The following STXBP6 variants were observed in gnomAD, a reference collection of about 807,000 sequenced individuals.
STXBP6 encodes the protein syntaxin binding protein 6.
In STXBP6, 21 loss-of-function variants were observed where a neutral mutation model predicts 26.9. The ratio of observed to expected loss-of-function variants is 0.78; its 90% confidence interval spans 0.55 to 1.12. The LOEUF is 1.12. Among genes scored for constraint, STXBP6 ranks in the 50% most tolerant of loss-of-function variants. The pLI is 0.00. For synonymous variants in STXBP6, 97 were observed against 92.6 expected, an observed-to-expected ratio of 1.05 and a Z score of -0.27; for missense variants, 232 against 257.9, an observed-to-expected ratio of 0.90 and a Z score of 0.69.
At chr14:24,911,916 T>C (rs2071588453) in intron 2 of STXBP6, among the ~76,000 whole-genome samples, 1 of 152,216 alleles carries the variant, frequency 6.6e-6, no homozygotes, top group African/African-American at 2.4e-5. Flanking sequence ...AGTCTGTGTG[T>C]TCTCCAGTCA....
At chr14:24,974,119 A>C (rs1307665377) in intron 2 of STXBP6, among the ~76,000 whole-genome samples, 3 of 152,176 alleles carry the variant, frequency 2.0e-5, no homozygotes, top group Non-Finnish European at 4.4e-5. Flanking sequence ...AAAAAAAACA[A>C]GATTCAAAGC....
chr14:24,908,143 C>T (rs781311616), intron 2 of STXBP6, among the ~76,000 whole-genome samples: 7 of 152,158 alleles, frequency 4.6e-5, no homozygotes, highest in Non-Finnish European at 7.4e-5. Flanking sequence ...TTAAGTCTTT[C>T]GTCTTTACAA....
chr14:24,843,295 A>G (rs921094837), intron 4 of STXBP6, among the ~76,000 whole-genome samples: 3 of 152,214 alleles, frequency 2.0e-5, no homozygotes, highest in Non-Finnish European at 4.4e-5. Context: ...CAAGAAAAAT[A>G]TAAATACAAA....
At chr14:25,036,820 C>T (rs1327824611) in intron 1 of STXBP6, among the ~76,000 whole-genome samples, 1 of 141,842 alleles carries the variant, frequency 7.1e-6, no homozygotes, top group Admixed American at 7.3e-5. Flanking sequence ...GGCGCCACAG[C>T]ACTCCAGCCT....
intron 2 of STXBP6, among the ~76,000 whole-genome samples, chr14:24,872,180 G>T (rs1290321452): frequency 6.6e-6 from 1 of 152,150 alleles, no homozygotes. Context: ...CAGATTCCTA[G>T]ACACTCTCTA....
chr14:24,962,314 T>C (rs1178417252), intron 2 of STXBP6, among the ~76,000 whole-genome samples: 1 of 148,930 alleles, frequency 6.7e-6, no homozygotes, highest in Non-Finnish European at 1.5e-5. Context: ...TTTATTTATT[T>C]ATTTATTTAT....
chr14:24,865,267 T>C lies in STXBP6; in HGVS notation c.155-8110A>G, dbSNP rs77652631. Among the ~76,000 whole-genome samples the C allele has an allele frequency of 5.0e-3, 767 of 152,166 alleles. 8 individuals are homozygous for C. Among genetic ancestry groups the C allele is most frequent in the African/African-American group, 0.018 (730 of 41,524 alleles). On this transcript the variant is annotated intron_variant, in intron 2 of 5. Coordinates refer to ENST00000323944, the MANE Select transcript of STXBP6 (RefSeq NM_001394410.1). The stretch of plus-strand genomic sequence containing the variant: ...GCATTGTATATCAAGCAATGAAGCA[T>C]AATGACCCCTGAGAGATGGGAAATG...
intron 2 of STXBP6, among the ~76,000 whole-genome samples, chr14:24,916,228 C>G (rs1026037675): frequency 2.0e-5 from 3 of 152,062 alleles, no homozygotes; most frequent in African/African-American, 7.2e-5. Context: ...GAGAATGTAA[C>G]TGGGCTTAAA....
chr14:24,858,179 G>T lies in STXBP6; in HGVS notation c.155-1022C>A, dbSNP rs535034088. On this transcript the variant is annotated intron_variant, in intron 2 of 5. Transcript: ENST00000323944. ...TAACTATGTAGATGCTCAACAGATG[G>T]CAAAAAGAATTCTGAAGGGATGAAG... Among the ~76,000 whole-genome samples, 16 of 152,072 alleles carry T rather than the reference G, an allele frequency of 1.1e-4. 1 individual carries two copies. The highest frequency in any genetic ancestry group is 1.6e-4 in the Non-Finnish European group (11 of 67,978).
chr14:24,818,051 T>C (rs2068031796), intron 5 of STXBP6: 1 of 456,586 alleles, frequency 2.2e-6, no homozygotes, highest in African/African-American at 2.0e-5. Context: ...CCATCCTTGT[T>C]TCCTCAGCAG....
chr14:24,923,884 G>C (rs2072070095), intron 2 of STXBP6, among the ~76,000 whole-genome samples: 1 of 152,030 alleles, frequency 6.6e-6, no homozygotes, highest in Non-Finnish European at 1.5e-5. Context: ...CTTTGCTTAT[G>C]GTGTTTTAGT....
chr14:24,939,105 T>A (rs993534875), intron 2 of STXBP6, among the ~76,000 whole-genome samples: 1 of 152,234 alleles, frequency 6.6e-6, no homozygotes, highest in Admixed American at 6.5e-5. Context: ...ATTTATTTGC[T>A]TTTGTCTGAT....
intron 1 of STXBP6, among the ~76,000 whole-genome samples, chr14:25,035,152 C>CA (rs1168180231): frequency 0.084 from 6,556 of 77,760 alleles, 346 homozygotes; most frequent in African/African-American, 0.22. Flanking sequence ...ACTCTGTCTC[C>CA]AAAAAAAAAA....
intron 4 of STXBP6, among the ~76,000 whole-genome samples, chr14:24,831,779 T>C (rs918008045): frequency 2.0e-5 from 3 of 152,184 alleles, no homozygotes; most frequent in Admixed American, 6.5e-5. Context: ...CCTGAAGTCA[T>C]GAGGTTCTCT....
chr14:24,905,069 C>T (rs1457230673), intron 2 of STXBP6, among the ~76,000 whole-genome samples: 2 of 152,088 alleles, frequency 1.3e-5, no homozygotes, highest in African/African-American at 4.8e-5. Flanking sequence ...TATAGGTATC[C>T]TTTCCAAATA....
At chr14:24,870,335 T>C (rs2069882275) in intron 2 of STXBP6, among the ~76,000 whole-genome samples, 1 of 152,174 alleles carries the variant, frequency 6.6e-6, no homozygotes, top group African/African-American at 2.4e-5. Flanking sequence ...AAGCAATGTT[T>C]TGCATTCTTT....
chr14:24,832,277 C>A (rs187065625), intron 4 of STXBP6, among the ~76,000 whole-genome samples: 9 of 147,902 alleles, frequency 6.1e-5, no homozygotes, highest in Admixed American at 5.8e-4. Context: ...CAACAGAATT[C>A]AGCAGACAGC....
chr14:24,917,594 C>A (rs115979466), intron 2 of STXBP6, among the ~76,000 whole-genome samples: 1,693 of 152,066 alleles, frequency 0.011, 29 homozygotes, highest in African/African-American at 0.039. Context: ...ATACTATATA[C>A]AAAAATTAAC....
intron 4 of STXBP6, among the ~76,000 whole-genome samples, chr14:24,828,628 CTAATGAGCAT>C (rs1292501292): frequency 6.6e-6 from 1 of 152,100 alleles, no homozygotes; most frequent in Non-Finnish European, 1.5e-5. Flanking sequence ...ACAGAAAGGA[CTAATGAGCAT>C]TAATGGTCAA....
Sources: allele counts gnomAD v4.1 joint callset (sites outside exome capture counted in the v4.1 genomes callset), GRCh38; gene constraint gnomAD v4.1.1; transcripts MANE v1.5; gene names NCBI Gene and HGNC (gene_info 2026-07-23, HGNC 2026-07-21).